RNF220: variants seen among roughly 807,000 people sequenced by gnomAD.
The protein encoded by RNF220 is ring finger protein 220, also known as E3 ubiquitin-protein ligase RNF220.
In RNF220, 7 loss-of-function variants were observed where a neutral mutation model predicts 67.1. The ratio of observed to expected loss-of-function variants is 0.10; its 90% confidence interval spans 0.06 to 0.20. The LOEUF (loss-of-function observed/expected upper bound fraction) is 0.20, where lower values mean the gene tolerates loss of function less well. Ranked by LOEUF, RNF220 falls within the 10% of genes least tolerant of loss-of-function variation. The pLI, the probability that RNF220 is intolerant of heterozygous loss-of-function variation, is 1.00. For synonymous variants in RNF220, 270 were observed against 283.2 expected, an observed-to-expected ratio of 0.95 and a Z score of 0.47; for missense variants, 565 against 740.3, an observed-to-expected ratio of 0.76 and a Z score of 2.75.
At chr1:44,574,548 A>T (rs979538684) in intron 2 of RNF220, among the ~76,000 whole-genome samples, 2 of 152,216 alleles carry the variant, frequency 1.3e-5, no homozygotes, top group Admixed American at 1.3e-4. Flanking sequence ...AGACCCAGAC[A>T]GTTCACCAGC....
Position 44,412,625 on chromosome 1 carries a change from A to G in RNF220, c.528A>G (p.Ser176=), listed in dbSNP as rs1261514258. ...AGCTGCCATCTAGCTCCCCCGGTTCACTAAAGGTTGATGACACTGGGAAGA... is the reference window on the plus strand; with the variant it reads ...AGCTGCCATCTAGCTCCCCCGGTTCGCTAAAGGTTGATGACACTGGGAAGA... ...GTQLPSSSPG[S]LKVDDTGKKI... Residue 176 remains serine (S), a synonymous_variant, in exon 2 of 15, where the codon TCA becomes TCG. Coordinates refer to ENST00000361799, the MANE Select transcript of RNF220 (RefSeq NM_018150.4). The surrounding 1 kb of genome is among the most constrained non-coding windows in gnomAD (Gnocchi z 5.3). The G allele has an allele frequency of 1.5e-5, 24 of 1,614,224 alleles. No individual in the cohort carries two copies. The highest frequency in any genetic ancestry group is 1.7e-5 in the Non-Finnish European group (20 of 1,180,040).
At chr1:44,446,047 G>A (rs1305832777) in intron 2 of RNF220, among the ~76,000 whole-genome samples, 1 of 152,212 alleles carries the variant, frequency 6.6e-6, no homozygotes, top group African/African-American at 2.4e-5. Context: ...TGGGTGGCAT[G>A]TGGTAACATT....
chr1:44,446,536 G>T (rs1199196734), intron 2 of RNF220, among the ~76,000 whole-genome samples: 4 of 151,798 alleles, frequency 2.6e-5, no homozygotes, highest in Admixed American at 2.6e-4. Context: ...CAAAAAGAGG[G>T]ACCGGGCCGT....
At chr1:44,461,236 A>G (rs951605365) in intron 2 of RNF220, among the ~76,000 whole-genome samples, 3 of 152,100 alleles carry the variant, frequency 2.0e-5, no homozygotes, top group African/African-American at 7.2e-5. Context: ...TAAAACCAGG[A>G]TTTTTATCCT....
chr1:44,580,187 C>T (rs1190295573), intron 2 of RNF220, among the ~76,000 whole-genome samples: 1 of 151,942 alleles, frequency 6.6e-6, no homozygotes, highest in Non-Finnish European at 1.5e-5. Context: ...GATGAAGAAA[C>T]TTACTCAAAT....
intron 2 of RNF220, among the ~76,000 whole-genome samples, chr1:44,540,500 A>C (rs1661590384): frequency 1.3e-5 from 2 of 152,124 alleles, no homozygotes; most frequent in Admixed American, 1.3e-4. Flanking sequence ...CGCTGAAATG[A>C]TTTATGGAGA....
chr1:44,446,234 T>C (rs1159924867), intron 2 of RNF220, among the ~76,000 whole-genome samples: 1 of 152,208 alleles, frequency 6.6e-6, no homozygotes, highest in African/African-American at 2.4e-5. Context: ...TAAAATTTTA[T>C]AAGAACAAAC....
At chr1:44,408,025 G>A (rs1311488328) in intron 1 of RNF220, among the ~76,000 whole-genome samples, 2 of 152,222 alleles carry the variant, frequency 1.3e-5, no homozygotes, top group South Asian at 2.1e-4. Flanking sequence ...TCGTGCGGAG[G>A]TTGTTGGGAC....
chr1:44,497,764 T>A (rs1657472586), intron 2 of RNF220, among the ~76,000 whole-genome samples: 1 of 152,210 alleles, frequency 6.6e-6, no homozygotes, highest in Non-Finnish European at 1.5e-5. Context: ...GTTCATTTAC[T>A]AGCCACCTTA....
Position 44,496,064 on chromosome 1 carries a change from G to A in RNF220, c.625+83342G>A, listed in dbSNP as rs113745075. ...AGACTACGGGAAGCTACTGAAGAGG[G>A]GCAGAACATGCTCAGATCTGGGTTT... On this transcript the variant is annotated intron_variant, in intron 2 of 14. Coordinates refer to ENST00000361799, the MANE Select transcript of RNF220 (RefSeq NM_018150.4). Among the ~76,000 whole-genome samples, 784 of 152,272 alleles carry A rather than the reference G, an allele frequency of 5.1e-3. 7 individuals are homozygous for A. The highest frequency in any genetic ancestry group is 6.4e-3 in the Admixed American group (98 of 15,286).
chr1:44,507,677 G>A (rs530794021), intron 2 of RNF220, among the ~76,000 whole-genome samples: 8 of 152,272 alleles, frequency 5.3e-5, no homozygotes, highest in South Asian at 4.1e-4. Context: ...GGACGCAGAG[G>A]GGGGTACGGA....
At position 44,631,727 on chromosome 1, in the gene RNF220, G is replaced by C. The variant is rs113103937; in HGVS notation, c.907-616G>C. ...AAGGCAGGCACAGGAGGCGGGAGCCGGGGCCGGGCGATGGGGCGGAAGGAG... is the reference window on the plus strand; with the variant it reads ...AAGGCAGGCACAGGAGGCGGGAGCCCGGGCCGGGCGATGGGGCGGAAGGAG... On this transcript the variant is annotated intron_variant, in intron 5 of 14. Transcript: ENST00000361799. 4.7e-3 allele frequency: 1,007 copies of C among 212,966 alleles called. 10 individuals carry two copies. The highest frequency in any genetic ancestry group is 0.022 in the African/African-American group (941 of 42,560). The allele number at this position is 212,966 out of a possible 1,614,324, so 13.2% of individuals were successfully genotyped here. A position where few individuals can be genotyped will look rare whatever the true frequency, so the allele number is the denominator to read the frequency against.
chr1:44,583,999 C>T (rs1266581618), intron 2 of RNF220, among the ~76,000 whole-genome samples: 2 of 152,238 alleles, frequency 1.3e-5, no homozygotes, highest in Non-Finnish European at 2.9e-5. Context: ...AGTTCCTTTA[C>T]ATGCATTCTC....
Position 44,565,713 on chromosome 1 carries a change from A to G in RNF220, c.626-48452A>G, listed in dbSNP as rs867410361. On this transcript the variant is annotated intron_variant, in intron 2 of 14. Coordinates refer to ENST00000361799, the MANE Select transcript of RNF220 (RefSeq NM_018150.4). This position sits in a 1 kb window ranked among gnomAD's most constrained non-coding sequence, Gnocchi z 4.2. ...ATTTTAGCTGGAGGGGTTTGCATAG[A>G]TGCTGGGCTAAAGAGATGCTGCTGG... Among the ~76,000 whole-genome samples the G allele has an allele frequency of 4.6e-5, 7 of 152,262 alleles. No homozygotes were observed. The highest frequency in any genetic ancestry group is 6.5e-5 in the Admixed American group (1 of 15,296).
chr1:44,580,649 A>T (rs1359051681), intron 2 of RNF220, among the ~76,000 whole-genome samples: 1 of 152,238 alleles, frequency 6.6e-6, no homozygotes, highest in African/African-American at 2.4e-5. Context: ...GTGTTTGGGC[A>T]GGCCACCTAT....
intron 2 of RNF220, among the ~76,000 whole-genome samples, chr1:44,431,713 G>A (rs1232297530): frequency 6.6e-6 from 1 of 150,998 alleles, no homozygotes. Context: ...TCTTCTGAGT[G>A]GAGTCTCTTC....
intron 2 of RNF220, among the ~76,000 whole-genome samples, chr1:44,425,123 C>G (rs1410139142): frequency 1.3e-5 from 2 of 152,192 alleles, no homozygotes; most frequent in African/African-American, 4.8e-5. Context: ...GCAGCTGCCA[C>G]CGGGTAGAAG....
intron 2 of RNF220, among the ~76,000 whole-genome samples, chr1:44,547,117 G>A (rs1662227914): frequency 1.3e-5 from 2 of 152,230 alleles, no homozygotes; most frequent in Non-Finnish European, 2.9e-5. Context: ...CCCCCAGGAT[G>A]GGAAAAGGCA....
At chr1:44,563,291 A>T (rs1359271296) in intron 2 of RNF220, among the ~76,000 whole-genome samples, 2 of 150,298 alleles carry the variant, frequency 1.3e-5, no homozygotes, top group Non-Finnish European at 1.5e-5. Flanking sequence ...GTCTGAGCTG[A>T]TGCTGAGGCA....
Sources: allele counts gnomAD v4.1 joint callset (sites outside exome capture counted in the v4.1 genomes callset), GRCh38; gene constraint gnomAD v4.1.1; non-coding constraint Gnocchi (gnomAD v3.1); transcripts MANE v1.5; gene names NCBI Gene and HGNC (gene_info 2026-07-23, HGNC 2026-07-21).